The following GALNT17 variants were observed in gnomAD, a reference collection of about 807,000 sequenced individuals.
GALNT17 encodes the protein UDP-GalNAc:polypeptide N-acetylgalactosaminyltransferase-like 3.
GALNT17 carries 29 observed loss-of-function variants against 63.7 expected under a neutral mutation model. The ratio of observed to expected loss-of-function variants is 0.46; its 90% CI spans 0.34 to 0.62. The LOEUF is 0.62. Ranked by LOEUF, GALNT17 falls within the 20% of genes least tolerant of loss-of-function variation. GALNT17 has a pLI of 0.01. For missense variants in GALNT17, 603 were observed against 799.6 expected (o/e 0.75, Z 2.97); for synonymous variants, 305 against 318.3 (o/e 0.96, Z 0.45).
intron 5 of GALNT17, among the ~76,000 whole-genome samples, chr7:71,538,179 T>G (rs1340591715): frequency 6.6e-6 from 1 of 152,210 alleles, no homozygotes; most frequent in Non-Finnish European, 1.5e-5. Context: ...ATTTTGTACT[T>G]AGAACACTTC....
chr7:71,703,475 A>G (rs900748955), intron 9 of GALNT17, among the ~76,000 whole-genome samples: 1 of 152,200 alleles, frequency 6.6e-6, no homozygotes, highest in African/African-American at 2.4e-5. Context: ...CACCAAGGGG[A>G]TGGTGCTTAA....
intron 6 of GALNT17, among the ~76,000 whole-genome samples, chr7:71,592,866 C>A (rs1789830430): frequency 6.6e-6 from 1 of 152,142 alleles, no homozygotes; most frequent in African/African-American, 2.4e-5. Flanking sequence ...TCAGTTAGGG[C>A]TGAGCATAGT....
At chr7:71,158,373 A>G (rs1397307822) in intron 1 of GALNT17, among the ~76,000 whole-genome samples, 1 of 150,026 alleles carries the variant, frequency 6.7e-6, no homozygotes, top group African/African-American at 2.5e-5. Context: ...ATCTTTCTCC[A>G]TCTGAGATGT....
At position 71,290,793 on chromosome 7, in the gene GALNT17, T is replaced by G. The variant is rs74995223; in HGVS notation, c.239-44757T>G. 4.7e-3 allele frequency among the ~76,000 whole-genome samples: 711 copies of G among 152,330 alleles called. 3 individuals carry two copies. Among genetic ancestry groups the G allele is most frequent in the Non-Finnish European group, 7.5e-3 (512 of 68,036 alleles). ...CTGTGGGTTACTGTTCTACAGACTC[T>G]TATGCTCAGACTCCAGAGAGCCGTG... On this transcript the variant is annotated intron_variant, in intron 1 of 10. Transcript: ENST00000333538.
intron 6 of GALNT17, among the ~76,000 whole-genome samples, chr7:71,607,514 A>G (rs956221254): frequency 2.0e-5 from 3 of 152,218 alleles, no homozygotes; most frequent in Non-Finnish European, 4.4e-5. Flanking sequence ...ATTAATCATA[A>G]ACAGGGTGGC....
At chr7:71,540,275 C>T (rs1220127385) in intron 5 of GALNT17, among the ~76,000 whole-genome samples, 1 of 151,092 alleles carries the variant, frequency 6.6e-6, no homozygotes, top group Non-Finnish European at 1.5e-5. Context: ...AGCCACTATG[C>T]CCGGCTAATT....
At position 71,352,895 on chromosome 7, in the gene GALNT17, C is replaced by T. The variant is rs560562205; in HGVS notation, c.422+17162C>T. Among the ~76,000 whole-genome samples, 8 of 152,086 alleles carry T rather than the reference C, an allele frequency of 5.3e-5. No individual in the cohort carries two copies. In the South Asian group the frequency reaches 8.3e-4, roughly 16 times the overall value. On this transcript the variant is annotated intron_variant, in intron 2 of 10. Transcript: ENST00000333538. ...GGAAGCAGTGGTTACTGGTGATGAG[C>T]GATAGTGAGATGCCAGAATCGTTCA...
At chr7:71,456,314 G>A (rs1418960758) in intron 5 of GALNT17, among the ~76,000 whole-genome samples, 1 of 152,194 alleles carries the variant, frequency 6.6e-6, no homozygotes, top group Non-Finnish European at 1.5e-5. Flanking sequence ...TATATTGCGA[G>A]AGTCAGTGAA....
intron 1 of GALNT17, among the ~76,000 whole-genome samples, chr7:71,156,091 G>A (rs1451718667): frequency 1.3e-5 from 2 of 151,784 alleles, no homozygotes; most frequent in East Asian, 3.9e-4. Flanking sequence ...AGCTACTGGG[G>A]AGGCTGAGGC....
At chr7:71,573,614 G>A (rs752142584) in intron 6 of GALNT17, among the ~76,000 whole-genome samples, 19 of 152,070 alleles carry the variant, frequency 1.2e-4, no homozygotes, top group Non-Finnish European at 1.2e-4. Flanking sequence ...GATTACAGGC[G>A]TGAGCCACCA....
At position 71,501,706 on chromosome 7, in the gene GALNT17, C is replaced by T. The variant is rs1193398027; in HGVS notation, c.963-69579C>T. Reference sequence around the variant, plus strand: ...GCTCTGATCAACACCCCAAGCAGCCCTGCCCTCCACTCTGGCCATGGTTAA... The same window carrying T: ...GCTCTGATCAACACCCCAAGCAGCCTTGCCCTCCACTCTGGCCATGGTTAA... On this transcript the variant is annotated intron_variant, in intron 5 of 10. Coordinates refer to ENST00000333538, the MANE Select transcript of GALNT17 (RefSeq NM_022479.3). Among the ~76,000 whole-genome samples, 3 of 152,166 alleles carry T rather than the reference C, an allele frequency of 2.0e-5. No individual in the cohort carries two copies. The East Asian group carries it at 5.8e-4, about 29-fold the overall frequency.
At chr7:71,495,288 AAAG>A (rs1182710934) in intron 5 of GALNT17, among the ~76,000 whole-genome samples, 1 of 152,062 alleles carries the variant, frequency 6.6e-6, no homozygotes, top group Admixed American at 6.6e-5. Flanking sequence ...AAAAAAAAGA[AAAG>A]AAAAGGTGAG....
intron 1 of GALNT17, among the ~76,000 whole-genome samples, chr7:71,172,774 A>G (rs917239878): frequency 6.6e-6 from 1 of 152,240 alleles, no homozygotes; most frequent in African/African-American, 2.4e-5. Flanking sequence ...GGATTTCTTA[A>G]TAAATGAAGT....
chr7:71,617,587 C>T (rs924135119), intron 6 of GALNT17, among the ~76,000 whole-genome samples: 5 of 151,464 alleles, frequency 3.3e-5, no homozygotes, highest in Non-Finnish European at 5.9e-5. Flanking sequence ...CCCAAAGTGC[C>T]GGGTTTACAG....
intron 5 of GALNT17, among the ~76,000 whole-genome samples, chr7:71,481,200 A>G (rs1443435436): frequency 6.6e-6 from 1 of 152,220 alleles, no homozygotes; most frequent in East Asian, 1.9e-4. Flanking sequence ...TAATCCCAGT[A>G]CTTTGGGAGG....
chr7:71,324,489 A>G (rs1791669765), intron 1 of GALNT17, among the ~76,000 whole-genome samples: 2 of 152,110 alleles, frequency 1.3e-5, no homozygotes, highest in Admixed American at 1.3e-4. Context: ...GGTCTCTACT[A>G]AAAACACACA....
chr7:71,685,948 A>G (rs1319309013), intron 9 of GALNT17, among the ~76,000 whole-genome samples: 30 of 59,808 alleles, frequency 5.0e-4, no homozygotes, highest in African/African-American at 1.6e-3. Context: ...GGCAATTACT[A>G]TTTTTTTTTT....
intron 3 of GALNT17, among the ~76,000 whole-genome samples, chr7:71,403,310 G>A (rs1793271821): frequency 6.6e-6 from 1 of 152,178 alleles, no homozygotes; most frequent in Non-Finnish European, 1.5e-5. Flanking sequence ...AAAACTCTAG[G>A]ATACTGTCAC....
chr7:71,671,507 T>C (rs2117057583), intron 8 of GALNT17, among the ~76,000 whole-genome samples: 1 of 152,214 alleles, frequency 6.6e-6, no homozygotes, highest in East Asian at 1.9e-4. Context: ...GAGCTGGAAT[T>C]TGGAATGGGA....
Sources: allele counts gnomAD v4.1 joint callset (sites outside exome capture counted in the v4.1 genomes callset), GRCh38; gene constraint gnomAD v4.1.1; transcripts MANE v1.5; gene names NCBI Gene and HGNC (gene_info 2026-07-23, HGNC 2026-07-21).